USP6NL: variants seen among roughly 807,000 people sequenced by gnomAD.
The protein encoded by USP6NL is USP6 N-terminal-like protein.
Under a neutral mutation model 61.9 loss-of-function variants are expected in USP6NL, and 26 were observed. The observed-to-expected ratio is 0.42, with a 90% CI of 0.31 to 0.58. The LOEUF is 0.58. USP6NL is among the 20% of genes least tolerant of loss of function. The pLI is 0.16. For synonymous variants in USP6NL, 432 were observed against 390.1 expected, an observed-to-expected ratio of 1.11 and a Z score of -1.27; for missense variants, 1,114 against 1,034.3, an observed-to-expected ratio of 1.08 and a Z score of -1.06.
At chr10:11,522,971 T>G (rs1835269837) in intron 4 of USP6NL, among the ~76,000 whole-genome samples, 1 of 152,218 alleles carries the variant, frequency 6.6e-6, no homozygotes, top group African/African-American at 2.4e-5. Flanking sequence ...GTGCTTCGGT[T>G]TCATCGCCTA....
rs767016422 is a variant in USP6NL at position 11,518,589 on chromosome 10, C to G, written c.156-15G>C. ...GCTCCTCCTCACTGCAGAGGAAAAA[C>G]AGTATTATATGAAATTGTTGAAATC... On this transcript the variant is annotated splice_polypyrimidine_tract_variant and intron_variant, in intron 4 of 14. Coordinates refer to ENST00000609104, the MANE Select transcript of USP6NL (RefSeq NM_014688.5). The surrounding 1 kb of genome is among the most constrained non-coding windows in gnomAD (Gnocchi z 5.3). The G allele has an allele frequency of 1.9e-6, 3 of 1,607,796 alleles. No homozygotes were observed. The highest frequency in any genetic ancestry group is 2.5e-6 in the Non-Finnish European group (3 of 1,177,028).
chr10:11,596,123 A>G lies in USP6NL; in HGVS notation c.4+1508T>C, dbSNP rs191217285. 1.3e-5 allele frequency among the ~76,000 whole-genome samples: 2 copies of G among 152,322 alleles called. No homozygotes were observed. The highest frequency in any genetic ancestry group is 4.8e-5 in the African/African-American group (2 of 41,580). On this transcript the variant is annotated intron_variant, in intron 2 of 14. Coordinates refer to ENST00000609104, the MANE Select transcript of USP6NL (RefSeq NM_014688.5). This position sits in a 1 kb window ranked among gnomAD's most constrained non-coding sequence, Gnocchi z 4.1. Reference sequence around the variant, plus strand: ...GCTACCTGCCGTCAAAAAAACTTACATCTGCAACACTGATCCTAACAGAAC... The same window carrying G: ...GCTACCTGCCGTCAAAAAAACTTACGTCTGCAACACTGATCCTAACAGAAC...
intron 10 of USP6NL, among the ~76,000 whole-genome samples, 192 bp downstream of exon 10, chr10:11,488,910 A>G (rs190121552): frequency 8.5e-5 from 13 of 152,390 alleles, no homozygotes; most frequent in African/African-American, 2.9e-4. Context: ...ACAAAGGAAA[A>G]TAAATGTAAA....
intron 8 of USP6NL, among the ~76,000 whole-genome samples, chr10:11,492,832 T>C (rs1181544716): frequency 2.0e-5 from 3 of 152,224 alleles, no homozygotes; most frequent in African/African-American, 7.2e-5. Flanking sequence ...TTACACACAC[T>C]GTCATTCTTC....
rs562037222 is a variant in USP6NL, at chr10:11,542,619, A to G, written c.5-15052T>C. Among the ~76,000 whole-genome samples, 353 of 152,216 alleles carry G rather than the reference A, an allele frequency of 2.3e-3. 1 individual carries two copies. Among genetic ancestry groups the G allele is most frequent in the African/African-American group, 8.2e-3 (341 of 41,542 alleles). ...CTGTAGTGCCAGCTAGTCAGGAGGCAGAGGCAGGAGAATTGCCTGAACCCG... is the reference window on the plus strand; with the variant it reads ...CTGTAGTGCCAGCTAGTCAGGAGGCGGAGGCAGGAGAATTGCCTGAACCCG... On this transcript the variant is annotated intron_variant, in intron 2 of 14. Transcript: ENST00000609104.
At chr10:11,464,264 C>A (rs141096373) in intron 14 of USP6NL, among the ~76,000 whole-genome samples, 1 of 152,202 alleles carries the variant, frequency 6.6e-6, no homozygotes, top group Admixed American at 6.5e-5. Flanking sequence ...AAGAATTACA[C>A]GACCTCATGT....
Position 11,532,340 on chromosome 10 carries a change from G to A in USP6NL, c.5-4773C>T. 1 of 866,098 alleles carries A rather than the reference G, an allele frequency of 1.2e-6. No individual in the cohort carries two copies. The allele number at this position is 866,098 out of a possible 1,614,324, so 53.7% of individuals were successfully genotyped here. On this transcript the variant is annotated intron_variant, in intron 2 of 14. Coordinates refer to ENST00000609104, the MANE Select transcript of USP6NL (RefSeq NM_014688.5). This position sits in a 1 kb window ranked among gnomAD's most constrained non-coding sequence, Gnocchi z 4.1. ...ACATTCTGCAACTAACTAAAACAAA[G>A]AAAGGCAGAGGCAGCTCTACTTTAA...
chr10:11,609,461 T>TAA (rs11464901), intron 1 of USP6NL, among the ~76,000 whole-genome samples: 16 of 151,886 alleles, frequency 1.1e-4, no homozygotes, highest in African/African-American at 1.9e-4. Context: ...TAAGAATGGT[T>TAA]AAAAAAAATC....
At chr10:11,516,001 T>C (rs1834941239) in intron 5 of USP6NL, among the ~76,000 whole-genome samples, 2 of 152,216 alleles carry the variant, frequency 1.3e-5, no homozygotes, top group Admixed American at 6.5e-5. Context: ...GCTGAATCTA[T>C]GAAAATTCAT....
rs1833676766 is a variant in USP6NL at position 11,490,671 on chromosome 10, AGG to A, written c.543+159_543+160del. On this transcript the variant is annotated intron_variant, in intron 9 of 14. Coordinates refer to ENST00000609104, the MANE Select transcript of USP6NL (RefSeq NM_014688.5). The surrounding 1 kb of genome is among the most constrained non-coding windows in gnomAD (Gnocchi z 4.5). ...AGAATCAGCTCTGTTCTAAGGCCCT[AGG>A]GTTATCACAGGGTTTCAGCTTAAAA... Among the ~76,000 whole-genome samples the A allele has an allele frequency of 6.6e-6, 1 of 152,200 alleles. No individual in the cohort carries two copies. The highest frequency in any genetic ancestry group is 1.5e-5 in the Non-Finnish European group (1 of 68,032).
At chr10:11,494,306 G>C (rs936106421) in intron 7 of USP6NL, among the ~76,000 whole-genome samples, 1 of 152,108 alleles carries the variant, frequency 6.6e-6, no homozygotes, top group Non-Finnish European at 1.5e-5. Context: ...ACTGGGTTTG[G>C]ATCTATTTTT....
At chr10:11,549,549 C>T (rs1024380157) in intron 2 of USP6NL, among the ~76,000 whole-genome samples, 1 of 152,136 alleles carries the variant, frequency 6.6e-6, no homozygotes, top group African/African-American at 2.4e-5. Flanking sequence ...TAAATGTGAA[C>T]TCAAAGAGCA....
chr10:11,523,048 T>C (rs1009136307), intron 4 of USP6NL, among the ~76,000 whole-genome samples: 2 of 152,226 alleles, frequency 1.3e-5, no homozygotes, highest in African/African-American at 4.8e-5. Context: ...AGTTATTCCA[T>C]GTAAAGAGCA....
At chr10:11,593,102 T>C (rs977546704) in intron 2 of USP6NL, among the ~76,000 whole-genome samples, 26 of 152,206 alleles carry the variant, frequency 1.7e-4, no homozygotes, top group African/African-American at 4.8e-4. Flanking sequence ...TCCAGTGTCA[T>C]AGATTCACTC....
In USP6NL at chr10:11,462,283, G is replaced by C. The variant is rs766430246; in HGVS notation, c.*158C>G. The C allele has an allele frequency of 9.3e-6, 8 of 861,428 alleles. No homozygotes were observed. Among genetic ancestry groups the C allele is most frequent in the South Asian group, 1.9e-5 (1 of 52,646 alleles). 53.4% of individuals were successfully genotyped at this position (861,428 alleles called of 1,614,324 possible). Reference sequence around the variant, plus strand: ...AACGCTCATCTTAAGCAGCATCTACGTGGGGCTGAAGACATTTCCCTGTAT... The same window carrying C: ...AACGCTCATCTTAAGCAGCATCTACCTGGGGCTGAAGACATTTCCCTGTAT... On this transcript the variant is annotated 3_prime_UTR_variant, in exon 15 of 15. Coordinates refer to ENST00000609104, the MANE Select transcript of USP6NL (RefSeq NM_014688.5).
chr10:11,535,749 C>T (rs1467415755), intron 2 of USP6NL, among the ~76,000 whole-genome samples: 7 of 152,166 alleles, frequency 4.6e-5, no homozygotes, highest in Non-Finnish European at 7.4e-5. Flanking sequence ...CTCTTAGTTA[C>T]GTTTTTAGTT....
At chr10:11,534,432 C>T (rs1209895086) in intron 2 of USP6NL, among the ~76,000 whole-genome samples, 2 of 152,198 alleles carry the variant, frequency 1.3e-5, no homozygotes, top group African/African-American at 4.8e-5. Context: ...TTAGACATTT[C>T]CAAATGCCAA....
At chr10:11,573,398 T>A in intron 2 of USP6NL, 2 of 370,412 alleles carry the variant, frequency 5.4e-6, no homozygotes, top group Non-Finnish European at 9.6e-6. Context: ...CTTAATAATA[T>A]CCCCCTAATT....
At chr10:11,504,385 G>A in intron 6 of USP6NL, among the ~76,000 whole-genome samples, 1 of 152,142 alleles carries the variant, frequency 6.6e-6, no homozygotes, top group East Asian at 1.9e-4. Context: ...TGGCAAAGTG[G>A]CATTTCATCT....
Sources: allele counts gnomAD v4.1 joint callset (sites outside exome capture counted in the v4.1 genomes callset), GRCh38; gene constraint gnomAD v4.1.1; non-coding constraint Gnocchi (gnomAD v3.1); transcripts MANE v1.5; gene names NCBI Gene and HGNC (gene_info 2026-07-23, HGNC 2026-07-21).